Variants in MACROD2 observed in about 807,000 individuals in gnomAD.
MACROD2 encodes the protein mono-ADP ribosylhydrolase 2.
A neutral mutation model predicts 70.4 loss-of-function variants in MACROD2; 36 were observed. That is an observed-to-expected ratio of 0.51 (90% CI 0.39 to 0.68). MACROD2 has a LOEUF of 0.68. Among genes scored for constraint, MACROD2 ranks in the 30% least tolerant of loss-of-function variants. MACROD2 has a pLI of 0.00. For missense variants in MACROD2, 496 were observed against 538.4 expected (o/e 0.92, Z 0.78); for synonymous variants, 172 against 178.8 (o/e 0.96, Z 0.30).
intron 15 of MACROD2, among the ~76,000 whole-genome samples, chr20:16,018,582 C>T (rs962878156): frequency 4.6e-5 from 7 of 152,112 alleles, no homozygotes; most frequent in African/African-American, 1.7e-4. Context: ...TATCTTTAAC[C>T]GGATATATGT....
At chr20:15,434,630 A>G (rs919172256) in intron 7 of MACROD2, among the ~76,000 whole-genome samples, 1 of 152,184 alleles carries the variant, frequency 6.6e-6, no homozygotes, top group Non-Finnish European at 1.5e-5. Flanking sequence ...AAAGAGCTCA[A>G]AATAGAACTA....
At chr20:15,114,355 A>G (rs1485657519) in intron 5 of MACROD2, among the ~76,000 whole-genome samples, 1 of 152,202 alleles carries the variant, frequency 6.6e-6, no homozygotes, top group Non-Finnish European at 1.5e-5. Context: ...TATGTTGCAT[A>G]AGACTTCATC....
intron 5 of MACROD2, among the ~76,000 whole-genome samples, chr20:15,095,514 G>T (rs1033546275): frequency 6.6e-6 from 1 of 150,438 alleles, no homozygotes; most frequent in African/African-American, 2.4e-5. Flanking sequence ...TGTGTTTTTT[G>T]TTTTGTTTTG....
At chr20:14,515,465 G>A (rs6042773) in intron 4 of MACROD2, among the ~76,000 whole-genome samples, 8,394 of 127,070 alleles carry the variant, frequency 0.066, 463 homozygotes, top group African/African-American at 0.17. Context: ...ACACACACAC[G>A]CACACACACA....
At chr20:15,828,926 G>A (rs2064025946) in intron 8 of MACROD2, among the ~76,000 whole-genome samples, 1 of 152,076 alleles carries the variant, frequency 6.6e-6, no homozygotes, top group Non-Finnish European at 1.5e-5. Flanking sequence ...ATTGTTCAAT[G>A]GTTTGTAAAT....
intron 6 of MACROD2, among the ~76,000 whole-genome samples, chr20:15,265,447 T>G (rs1252383178): frequency 6.6e-6 from 1 of 152,218 alleles, no homozygotes; most frequent in Non-Finnish European, 1.5e-5. Context: ...CATGCTACTC[T>G]ACCTAACCAA....
chr20:15,212,385 G>A lies in MACROD2; in HGVS notation c.419-17555G>A, dbSNP rs146982766. The stretch of plus-strand genomic sequence containing the variant: ...TCTCAATTAATGTCATCAATGCTCT[G>A]TTGACATTTAATCCAGAATGAGCTC... On this transcript the variant is annotated intron_variant, in intron 5 of 17. Transcript: ENST00000684519. 1.4e-4 allele frequency among the ~76,000 whole-genome samples: 22 copies of A among 152,240 alleles called. No individual in the cohort carries two copies. The East Asian group carries it at 3.5e-3, about 24-fold the overall frequency.
At chr20:15,538,779 CA>C (rs2047912423) in intron 8 of MACROD2, among the ~76,000 whole-genome samples, 1 of 151,894 alleles carries the variant, frequency 6.6e-6, no homozygotes, top group African/African-American at 2.4e-5. Context: ...ATACATTCAT[CA>C]ATACTGTAGT....
chr20:15,593,505 GT>G (rs200966076), intron 8 of MACROD2, among the ~76,000 whole-genome samples: 6 of 152,108 alleles, frequency 3.9e-5, no homozygotes, highest in African/African-American at 1.4e-4. Flanking sequence ...AGACATTATT[GT>G]TTTTCCTTAT....
chr20:15,769,127 A>G (rs2051578486), intron 8 of MACROD2, among the ~76,000 whole-genome samples: 1 of 152,142 alleles, frequency 6.6e-6, no homozygotes, highest in East Asian at 1.9e-4. Flanking sequence ...CAGTAATGCA[A>G]TGGTGTTTTG....
At chr20:15,228,137 G>A (rs2145978567) in intron 5 of MACROD2, among the ~76,000 whole-genome samples, 1 of 152,100 alleles carries the variant, frequency 6.6e-6, no homozygotes, top group Non-Finnish European at 1.5e-5. Flanking sequence ...TTGAATTTAT[G>A]CAACTCTTGC....
intron 4 of MACROD2, among the ~76,000 whole-genome samples, chr20:14,513,326 G>T (rs918659368): frequency 6.6e-6 from 1 of 152,082 alleles, no homozygotes; most frequent in African/African-American, 2.4e-5. Flanking sequence ...CATGGCAAAA[G>T]TTTAAACAGG....
At chr20:15,398,027 G>A (rs555422449) in intron 6 of MACROD2, among the ~76,000 whole-genome samples, 1 of 152,260 alleles carries the variant, frequency 6.6e-6, no homozygotes, top group South Asian at 2.1e-4. Flanking sequence ...CATACCGAGA[G>A]TCAGGTAACT....
intron 3 of MACROD2, among the ~76,000 whole-genome samples, chr20:14,177,562 C>T (rs756692876): frequency 4.6e-5 from 7 of 151,986 alleles, no homozygotes; most frequent in South Asian, 2.1e-4. Flanking sequence ...GTGATCTGCC[C>T]GCCTCGGCCT....
chr20:14,940,148 C>CAAAAAAAAAAAA (rs57697517), intron 5 of MACROD2, among the ~76,000 whole-genome samples: 26 of 55,102 alleles, frequency 4.7e-4, no homozygotes, highest in Non-Finnish European at 7.7e-4. Flanking sequence ...CTCATCTCTG[C>CAAAAAAAAAAAA]AAAAAAAAAA....
chr20:15,472,990 A>C (rs2046980096), intron 7 of MACROD2, among the ~76,000 whole-genome samples: 2 of 152,154 alleles, frequency 1.3e-5, no homozygotes, highest in African/African-American at 2.4e-5. Context: ...TAAACTCCTA[A>C]AACATCTTTT....
intron 5 of MACROD2, among the ~76,000 whole-genome samples, chr20:15,216,419 A>T (rs2145956955): frequency 6.6e-6 from 1 of 152,284 alleles, no homozygotes; most frequent in East Asian, 1.9e-4. Flanking sequence ...TCTGGAAAGG[A>T]GAAAAAATAA....
intron 5 of MACROD2, among the ~76,000 whole-genome samples, chr20:14,983,208 C>A (rs1394614962): frequency 6.6e-6 from 1 of 152,146 alleles, no homozygotes; most frequent in Non-Finnish European, 1.5e-5. Context: ...AATGCCTGTA[C>A]CCCCATTGTA....
intron 2 of MACROD2, among the ~76,000 whole-genome samples, chr20:14,079,510 A>G (rs1360950225): frequency 6.6e-6 from 1 of 152,164 alleles, no homozygotes; most frequent in Non-Finnish European, 1.5e-5. Flanking sequence ...ATAACTCATG[A>G]CAATTTAGTA....
Sources: allele counts gnomAD v4.1 joint callset (sites outside exome capture counted in the v4.1 genomes callset), GRCh38; gene constraint gnomAD v4.1.1; transcripts MANE v1.5; gene names NCBI Gene and HGNC (gene_info 2026-07-23, HGNC 2026-07-21).